The following CCDC68 variants were observed in gnomAD, a reference collection of about 807,000 sequenced individuals.
The protein encoded by CCDC68 is coiled-coil domain-containing protein 68.
A neutral mutation model predicts 47.1 loss-of-function variants in CCDC68; 45 were observed. The observed-to-expected ratio is 0.96, with a 90% CI of 0.75 to 1.23. CCDC68 has a LOEUF of 1.23. Among genes scored for constraint, CCDC68 ranks in the 50% most tolerant of loss-of-function variants. The pLI, the probability that CCDC68 is intolerant of heterozygous loss-of-function variation, is 0.00. For synonymous variants in CCDC68, 131 were observed against 129.5 expected (o/e 1.01, Z -0.08); for missense variants, 353 against 373.6 (o/e 0.94, Z 0.45).
At chr18:54,920,322 G>A (rs965911940) in intron 8 of CCDC68, among the ~76,000 whole-genome samples, 3 of 149,966 alleles carry the variant, frequency 2.0e-5, no homozygotes, top group Admixed American at 1.3e-4. Context: ...GTAGTGAGGC[G>A]ATCTTGGCTC....
chr18:54,925,584 C>T (rs994602044), intron 8 of CCDC68, among the ~76,000 whole-genome samples: 1 of 152,158 alleles, frequency 6.6e-6, no homozygotes, highest in Non-Finnish European at 1.5e-5. Context: ...GGGTACACTA[C>T]AGATTATAGA....
intron 11 of CCDC68, among the ~76,000 whole-genome samples, 185 bp from the exon 12 acceptor site, chr18:54,904,600 G>A (rs1242008862): frequency 1.3e-5 from 2 of 152,192 alleles, no homozygotes; most frequent in Non-Finnish European, 2.9e-5. Flanking sequence ...GAATCGCATT[G>A]TGAAAGCATT....
chr18:54,949,809 G>A (rs1421503121), intron 1 of CCDC68, among the ~76,000 whole-genome samples: 1 of 152,182 alleles, frequency 6.6e-6, no homozygotes, highest in East Asian at 1.9e-4. Flanking sequence ...TGCAACTCAG[G>A]GAATGGCCAT....
intron 1 of CCDC68, among the ~76,000 whole-genome samples, chr18:54,949,735 C>G (rs1479019699): frequency 6.6e-6 from 1 of 152,216 alleles, no homozygotes; most frequent in Non-Finnish European, 1.5e-5. Context: ...TTCATGCTCA[C>G]TCCCTGGAGC....
At chr18:54,951,869 C>G (rs1292251223) in intron 1 of CCDC68, among the ~76,000 whole-genome samples, 1 of 152,192 alleles carries the variant, frequency 6.6e-6, no homozygotes, top group Non-Finnish European at 1.5e-5. Context: ...TCATCACCAG[C>G]TGGGAGGTCT....
intron 7 of CCDC68, among the ~76,000 whole-genome samples, chr18:54,930,902 G>T (rs1386948132): frequency 6.6e-6 from 1 of 151,184 alleles, no homozygotes; most frequent in Non-Finnish European, 1.5e-5. Context: ...ATTTTTAGTA[G>T]AGACGGGGTT....
chr18:54,909,889 G>C (rs1337845801), intron 10 of CCDC68, among the ~76,000 whole-genome samples: 1 of 152,212 alleles, frequency 6.6e-6, no homozygotes, highest in Non-Finnish European at 1.5e-5. Context: ...CTGCCCAAAG[G>C]GCCACAGCTC....
In CCDC68 at chr18:54,908,626, A is replaced by G. The variant is rs186524772; in HGVS notation, c.874-764T>C. 1.6e-4 allele frequency among the ~76,000 whole-genome samples: 24 copies of G among 152,274 alleles called. No homozygotes were observed. The South Asian group carries it at 2.5e-3, about 16-fold the overall frequency. On this transcript the variant is annotated intron_variant, in intron 10 of 11. Coordinates refer to ENST00000591504, the MANE Select transcript of CCDC68 (RefSeq NM_025214.3). ...CAGATATAATAATAACGCCTTCTCC[A>G]CAGATTTAAAATGAGATAAAAAAAT...
chr18:54,919,041 A>T (rs1489655266), intron 9 of CCDC68, among the ~76,000 whole-genome samples: 1 of 152,242 alleles, frequency 6.6e-6, no homozygotes, highest in African/African-American at 2.4e-5. Context: ...ACATCTAAAA[A>T]ACAGTTATAC....
chr18:54,905,409 A>AGAAG (rs35996831), intron 11 of CCDC68, among the ~76,000 whole-genome samples: 38,609 of 107,700 alleles, frequency 0.36, 7,341 homozygotes, highest in East Asian at 0.66. Context: ...AAGGAAGGGA[A>AGAAG]GAAGGAAGGA....
intron 1 of CCDC68, among the ~76,000 whole-genome samples, chr18:54,954,146 C>A (rs1441642454): frequency 6.6e-6 from 1 of 151,568 alleles, no homozygotes; most frequent in Non-Finnish European, 1.5e-5. Context: ...ACCTCCACAT[C>A]CCAGGTTCAA....
chr18:54,905,138 T>C (rs565353865), intron 11 of CCDC68, among the ~76,000 whole-genome samples: 112 of 151,704 alleles, frequency 7.4e-4, no homozygotes, highest in African/African-American at 2.5e-3. Context: ...CCTGTAGCCC[T>C]AGCTACTGGG....
At chr18:54,909,443 G>A (rs144020354) in intron 10 of CCDC68, among the ~76,000 whole-genome samples, 29 of 149,508 alleles carry the variant, frequency 1.9e-4, no homozygotes, top group African/African-American at 5.7e-4. Flanking sequence ...GTGCAGTGGC[G>A]CGATCTCAGT....
chr18:54,931,493 T>C (rs561013731), intron 7 of CCDC68, among the ~76,000 whole-genome samples: 1 of 152,288 alleles, frequency 6.6e-6, no homozygotes, highest in South Asian at 2.1e-4. Context: ...TGTCCAGCAT[T>C]AGAGAAGACG....
At chr18:54,951,787 G>A (rs1479108988) in intron 1 of CCDC68, among the ~76,000 whole-genome samples, 1 of 152,194 alleles carries the variant, frequency 6.6e-6, no homozygotes, top group East Asian at 1.9e-4. Flanking sequence ...ATGAACAAAG[G>A]CAGTTTGGCT....
At chr18:54,905,829 A>C (rs1013336417) in intron 11 of CCDC68, among the ~76,000 whole-genome samples, 6 of 151,884 alleles carry the variant, frequency 4.0e-5, no homozygotes, top group African/African-American at 1.5e-4. Flanking sequence ...ATTTACAGCC[A>C]CTCCCCATCG....
Position 54,936,769 on chromosome 18 carries a change from A to G in CCDC68, c.471+64T>C, listed in dbSNP as rs1411197804. The G allele has an allele frequency of 3.8e-6, 6 of 1,596,218 alleles. No homozygotes were observed. In the East Asian group the frequency reaches 1.3e-4, roughly 36 times the overall value. On this transcript the variant is annotated intron_variant, in intron 6 of 11. Transcript: ENST00000591504. ...TGTTTCATTTCTAACTCTTCTAGAA[A>G]GATGAACTTCAACAGCTCAGGGTGG...
At chr18:54,951,258 T>C (rs2044616093) in intron 1 of CCDC68, among the ~76,000 whole-genome samples, 1 of 152,134 alleles carries the variant, frequency 6.6e-6, no homozygotes, top group Admixed American at 6.5e-5. Context: ...CTGGCATAAT[T>C]TGAAACATTG....
intron 5 of CCDC68, 35 bp from the exon 6 acceptor site, chr18:54,936,993 T>C (rs1164841201): frequency 1.1e-5 from 18 of 1,612,314 alleles, no homozygotes; most frequent in Admixed American, 5.0e-5. Flanking sequence ...TTCTGACATT[T>C]ACAACAAAAA....
Sources: allele counts gnomAD v4.1 joint callset (sites outside exome capture counted in the v4.1 genomes callset), GRCh38; gene constraint gnomAD v4.1.1; transcripts MANE v1.5; gene names NCBI Gene and HGNC (gene_info 2026-07-23, HGNC 2026-07-21).